NSMCE2: variants seen among roughly 807,000 people sequenced by gnomAD.
NSMCE2 encodes the protein E3 SUMO-protein ligase NSE2.
In NSMCE2, 24 loss-of-function variants were observed where a neutral mutation model predicts 23.8. The ratio of observed to expected loss-of-function variants is 1.01; its 90% CI spans 0.73 to 1.42. The LOEUF (loss-of-function observed/expected upper bound fraction) is 1.42. NSMCE2 is among the 40% of genes most tolerant of loss of function. NSMCE2 has a pLI of 0.00. For synonymous variants in NSMCE2, 92 were observed against 94.1 expected, an observed-to-expected ratio of 0.98 and a Z score of 0.13; for missense variants, 284 against 296.5, an observed-to-expected ratio of 0.96 and a Z score of 0.31.
At chr8:125,351,566 G>A (rs1813036205) in intron 5 of NSMCE2, 1 of 152,092 alleles carries the variant, frequency 6.6e-6, no homozygotes, top group Non-Finnish European at 1.5e-5. Context: ...CATCGTCTAT[G>A]TATATAGAAA....
intron 5 of NSMCE2, among the ~76,000 whole-genome samples, chr8:125,310,284 G>T (rs1429632268): frequency 6.6e-6 from 1 of 152,186 alleles, no homozygotes; most frequent in African/African-American, 2.4e-5. Flanking sequence ...CCACCTGTCA[G>T]ATTTGGGGCA....
chr8:125,253,845 A>G (rs972739631), intron 5 of NSMCE2, among the ~76,000 whole-genome samples: 2 of 152,198 alleles, frequency 1.3e-5, no homozygotes, highest in Non-Finnish European at 2.9e-5. Context: ...CCTTTGGGGA[A>G]AATTAATTTT....
chr8:125,268,825 G>T (rs1425285428), intron 5 of NSMCE2, among the ~76,000 whole-genome samples: 1 of 152,176 alleles, frequency 6.6e-6, no homozygotes, highest in Non-Finnish European at 1.5e-5. Flanking sequence ...CAGTGCCAGA[G>T]CCTGCAGATC....
At chr8:125,357,433 GA>G in intron 6 of NSMCE2, 114 bp downstream of exon 6, 1 of 769,682 alleles carries the variant, frequency 1.3e-6, no homozygotes, top group South Asian at 1.6e-5. Context: ...AGGGAGTAAA[GA>G]AAAGTGCTGG....
intron 4 of NSMCE2, among the ~76,000 whole-genome samples, chr8:125,173,332 G>A (rs1262525150): frequency 6.6e-6 from 1 of 152,200 alleles, no homozygotes; most frequent in East Asian, 1.9e-4. Context: ...TGAGGGGGAG[G>A]AGAAGATGTG....
At chr8:125,327,656 G>A (rs903394040) in intron 5 of NSMCE2, among the ~76,000 whole-genome samples, 4 of 145,690 alleles carry the variant, frequency 2.7e-5, no homozygotes, top group Non-Finnish European at 6.2e-5. Flanking sequence ...CAGGTGTTGG[G>A]CACAGAATAT....
intron 5 of NSMCE2, among the ~76,000 whole-genome samples, chr8:125,241,353 A>G (rs932037201): frequency 7.9e-5 from 12 of 152,256 alleles, no homozygotes; most frequent in African/African-American, 2.9e-4. Flanking sequence ...GAGGGGAGAT[A>G]GGCAATCAAA....
At chr8:125,241,690 G>A (rs993016974) in intron 5 of NSMCE2, among the ~76,000 whole-genome samples, 7 of 152,216 alleles carry the variant, frequency 4.6e-5, no homozygotes, top group African/African-American at 1.4e-4. Context: ...CCCATAGTAA[G>A]CCAGGTAAAC....
At chr8:125,201,001 C>T (rs1050388584) in intron 5 of NSMCE2, among the ~76,000 whole-genome samples, 6 of 152,112 alleles carry the variant, frequency 3.9e-5, no homozygotes, top group Non-Finnish European at 8.8e-5. Flanking sequence ...GTTCTTGTGC[C>T]TTGGTTTTCA....
chr8:125,327,943 T>C (rs1363990319), intron 5 of NSMCE2, among the ~76,000 whole-genome samples: 1 of 152,174 alleles, frequency 6.6e-6, no homozygotes, highest in Non-Finnish European at 1.5e-5. Flanking sequence ...TTGAGGTTAG[T>C]ATATATTAAA....
chr8:125,209,964 A>G (rs1483285090), intron 5 of NSMCE2, among the ~76,000 whole-genome samples: 3 of 152,224 alleles, frequency 2.0e-5, no homozygotes, highest in Non-Finnish European at 4.4e-5. Flanking sequence ...TCCTATGCAA[A>G]TAAATGTTAG....
chr8:125,349,595 AAAAAG>A (rs1161586721), intron 5 of NSMCE2, among the ~76,000 whole-genome samples: 8 of 152,024 alleles, frequency 5.3e-5, no homozygotes, highest in Non-Finnish European at 7.4e-5. Flanking sequence ...AAAAAAAAAA[AAAAAG>A]AAAGAAAAGA....
chr8:125,127,969 C>T (rs575295244), intron 3 of NSMCE2, among the ~76,000 whole-genome samples: 7 of 152,146 alleles, frequency 4.6e-5, no homozygotes, highest in Middle Eastern at 3.2e-3. Flanking sequence ...CTTGTGGTGT[C>T]ATGTCAGCGC....
chr8:125,221,134 T>C (rs547210776), intron 5 of NSMCE2, among the ~76,000 whole-genome samples: 3 of 152,192 alleles, frequency 2.0e-5, no homozygotes, highest in Non-Finnish European at 4.4e-5. Flanking sequence ...GGCTTGAAAA[T>C]TAGCTCAACA....
intron 3 of NSMCE2, among the ~76,000 whole-genome samples, chr8:125,110,326 C>A (rs993876636): frequency 2.6e-5 from 4 of 152,164 alleles, no homozygotes; most frequent in African/African-American, 7.2e-5. Flanking sequence ...AAAGTTTTCT[C>A]TATATATTGC....
intron 4 of NSMCE2, among the ~76,000 whole-genome samples, chr8:125,155,573 T>G (rs1329458227): frequency 6.6e-6 from 1 of 152,198 alleles, no homozygotes; most frequent in African/African-American, 2.4e-5. Context: ...AGTAGTTGAT[T>G]TAAGAATTAT....
At chr8:125,162,891 T>C (rs1333093071) in intron 4 of NSMCE2, among the ~76,000 whole-genome samples, 1 of 152,234 alleles carries the variant, frequency 6.6e-6, no homozygotes, top group African/African-American at 2.4e-5. Context: ...TTAGTCATCT[T>C]TTTCATAAAG....
At chr8:125,291,335 G>A (rs1481510663) in intron 5 of NSMCE2, among the ~76,000 whole-genome samples, 2 of 152,186 alleles carry the variant, frequency 1.3e-5, no homozygotes, top group Admixed American at 6.5e-5. Flanking sequence ...AAAGGTTGCT[G>A]TAAAGAACTA....
At chr8:125,320,557 A>G (rs1439508231) in intron 5 of NSMCE2, among the ~76,000 whole-genome samples, 13 of 152,324 alleles carry the variant, frequency 8.5e-5, no homozygotes, top group Non-Finnish European at 2.9e-5. Flanking sequence ...AAAAAAATGT[A>G]TAAAGTAAGG....
Sources: gnomAD v4.1 joint callset for allele counts (sites outside exome capture counted in the v4.1 genomes callset) on GRCh38, gnomAD v4.1.1 for gene constraint, MANE v1.5 for transcripts, NCBI Gene and HGNC (gene_info 2026-07-23, HGNC 2026-07-21) for gene names.